The following PANX1 variants were observed in gnomAD, a reference collection of about 807,000 sequenced individuals.
The protein encoded by PANX1 is pannexin 1.
PANX1 carries 30 observed loss-of-function variants against 38.7 expected under a neutral mutation model. The observed-to-expected ratio is 0.78, with a 90% confidence interval of 0.58 to 1.05. PANX1 has a LOEUF of 1.05. PANX1 is among the 50% of genes least tolerant of loss of function. The probability of loss-of-function intolerance (pLI) is 0.00; values close to 1 mark genes in which losing one functional copy is unlikely to be tolerated. For missense variants in PANX1, 551 were observed against 517.2 expected (o/e 1.07, Z -0.63); for synonymous variants, 230 against 212.2 (o/e 1.08, Z -0.73).
intron 2 of PANX1, among the ~76,000 whole-genome samples, chr11:94,173,018 T>A (rs757314602): frequency 6.6e-6 from 1 of 151,772 alleles, no homozygotes; most frequent in Non-Finnish European, 1.5e-5. Context: ...TCTGTAAGCT[T>A]CTCAGGGAGT....
chr11:94,159,406 A>G (rs534714987), intron 2 of PANX1, among the ~76,000 whole-genome samples: 5 of 150,692 alleles, frequency 3.3e-5, no homozygotes, highest in African/African-American at 9.7e-5. Context: ...TTGGTAAGCT[A>G]TTAATTTTTG....
Position 94,129,139 on chromosome 11 carries a change from A to G in PANX1, c.-174A>G, listed in dbSNP as rs1375048322. The G allele has an allele frequency of 1.4e-5, 7 of 503,434 alleles. No homozygotes were observed. The highest frequency in any genetic ancestry group is 3.5e-5 in the East Asian group (1 of 28,880). 31.2% of individuals were successfully genotyped at this position (503,434 alleles called of 1,614,324 possible). A position where few individuals can be genotyped will look rare whatever the true frequency, so the allele number is the denominator to read the frequency against. On this transcript the variant is annotated 5_prime_UTR_variant, in exon 1 of 5. Coordinates refer to ENST00000227638, the MANE Select transcript of PANX1 (RefSeq NM_015368.4). ...GCGGAGGCAGCGAGCGCGAGAGCCC[A>G]GCGGAGTCGCTGGGAGCCTGAGGCA...
intron 2 of PANX1, among the ~76,000 whole-genome samples, chr11:94,177,742 C>T (rs1282457736): frequency 6.7e-6 from 1 of 149,836 alleles, no homozygotes; most frequent in Non-Finnish European, 1.5e-5. Flanking sequence ...TGTGGATGGC[C>T]TCTCTGAGCC....
intron 1 of PANX1, among the ~76,000 whole-genome samples, chr11:94,130,187 C>T (rs574719263): frequency 9.9e-5 from 15 of 152,268 alleles, no homozygotes; most frequent in African/African-American, 3.6e-4. Context: ...TGTTCTGACT[C>T]TCCACACAGG....
chr11:94,175,925 C>A (rs2134522963), intron 2 of PANX1: 1 of 983,406 alleles, frequency 1.0e-6, no homozygotes, highest in South Asian at 4.7e-5. Flanking sequence ...GTCATTTGTG[C>A]TTATTTCTGT....
At chr11:94,136,143 A>G (rs1162478511) in intron 1 of PANX1, among the ~76,000 whole-genome samples, 1 of 152,190 alleles carries the variant, frequency 6.6e-6, no homozygotes, top group Non-Finnish European at 1.5e-5. Flanking sequence ...GAAGGATGAC[A>G]TCATTTTCCG....
rs1947278703 is a variant in PANX1, at chr11:94,179,595, T to G, written c.546-7T>G. The G allele has an allele frequency of 6.2e-7, 1 of 1,608,964 alleles. No homozygotes were observed. ...CCTAAGTTATTTTTGTTTCCTTTAT[T>G]TTTTAGTTTGTGGGAGGTATCTGAA... On this transcript the variant is annotated splice_region_variant and splice_polypyrimidine_tract_variant and intron_variant, in intron 3 of 4. Coordinates refer to ENST00000227638, the MANE Select transcript of PANX1 (RefSeq NM_015368.4).
At chr11:94,137,381 C>T (rs1373187349) in intron 1 of PANX1, among the ~76,000 whole-genome samples, 3 of 152,168 alleles carry the variant, frequency 2.0e-5, no homozygotes, top group Non-Finnish European at 4.4e-5. Context: ...TTAGCAACAT[C>T]CCTTTAAAAA....
At position 94,181,356 on chromosome 11, in the gene PANX1, A is replaced by G. The variant is rs1189499510; in HGVS notation, c.*487A>G. 1 of 156,076 alleles carries G rather than the reference A, an allele frequency of 6.4e-6. No homozygotes were observed. Among genetic ancestry groups the G allele is most frequent in the Non-Finnish European group, 1.4e-5 (1 of 70,110 alleles). 9.7% of individuals were successfully genotyped at this position (156,076 alleles called of 1,614,324 possible). ...CAAGAAAAGCATTCACTGGCTAATAATCCATAGGTCGACCTATGTCCTAAG... is the reference window on the plus strand; with the variant it reads ...CAAGAAAAGCATTCACTGGCTAATAGTCCATAGGTCGACCTATGTCCTAAG... On this transcript the variant is annotated 3_prime_UTR_variant, in exon 5 of 5. Transcript: ENST00000227638.
At chr11:94,136,129 T>G (rs1027478457) in intron 1 of PANX1, among the ~76,000 whole-genome samples, 2 of 152,180 alleles carry the variant, frequency 1.3e-5, no homozygotes, top group African/African-American at 4.8e-5. Context: ...AGTATCAGTT[T>G]CCAGAAGGAT....
rs576685408 is a variant in PANX1 at position 94,171,665 on chromosome 11, A to C, written c.322-6704A>C. 1.2e-4 allele frequency among the ~76,000 whole-genome samples: 18 copies of C among 151,704 alleles called. 1 individual carries two copies. The highest frequency in any genetic ancestry group is 2.5e-4 in the Non-Finnish European group (17 of 68,000). ...AAGTTAGGAGAGCTCAGTTACCCCAAAGAAGTTATTCAGTGTAATATTTAA... is the reference window on the plus strand; with the variant it reads ...AAGTTAGGAGAGCTCAGTTACCCCACAGAAGTTATTCAGTGTAATATTTAA... On this transcript the variant is annotated intron_variant, in intron 2 of 4. Transcript: ENST00000227638.
At chr11:94,154,189 AT>A (rs2134495119) in intron 2 of PANX1, among the ~76,000 whole-genome samples, 1 of 152,332 alleles carries the variant, frequency 6.6e-6, no homozygotes, top group Admixed American at 6.5e-5. Flanking sequence ...ATAGATCCAG[AT>A]ACTGCAGGGA....
chr11:94,134,268 C>T (rs1288068222), intron 1 of PANX1, among the ~76,000 whole-genome samples: 1 of 152,110 alleles, frequency 6.6e-6, no homozygotes, highest in African/African-American at 2.4e-5. Flanking sequence ...CCTTGAGGCC[C>T]TTCATTTCTA....
At chr11:94,177,622 G>A (rs951093602) in intron 2 of PANX1, among the ~76,000 whole-genome samples, 2 of 152,180 alleles carry the variant, frequency 1.3e-5, no homozygotes, top group Non-Finnish European at 2.9e-5. Context: ...ACCAACTGGT[G>A]GTCCTGGTTA....
chr11:94,136,499 G>A (rs908998292), intron 1 of PANX1, among the ~76,000 whole-genome samples: 1 of 152,130 alleles, frequency 6.6e-6, no homozygotes, highest in Non-Finnish European at 1.5e-5. Context: ...GATACATATC[G>A]GCCGGGCGCG....
rs1310511658 is a variant in PANX1, at chr11:94,178,566, A to G, written c.519A>G (p.Pro173=). ...TGAGAGATGGAGCCTGCTCAGTTCC[A>G]GGTGTTACCGAGAACTTAGGGCAAA... ...LDMRDGACSV[P]GVTENLGQSL... The change falls in exon 3 of 5, where the codon CCA becomes CCG. Residue 173 remains proline (P), a synonymous_variant. Coordinates refer to ENST00000227638, the MANE Select transcript of PANX1 (RefSeq NM_015368.4). 4.3e-6 allele frequency: 7 copies of G among 1,613,944 alleles called. No individual in the cohort carries two copies. Among genetic ancestry groups the G allele is most frequent in the Non-Finnish European group, 5.9e-6 (7 of 1,179,850 alleles).
intron 2 of PANX1, among the ~76,000 whole-genome samples, chr11:94,162,047 A>G (rs920729467): frequency 2.0e-4 from 31 of 152,190 alleles, no homozygotes; most frequent in South Asian, 8.3e-4. Flanking sequence ...ACTGGTGAGC[A>G]GCAAATGTTG....
At chr11:94,152,049 G>A (rs969509796) in intron 1 of PANX1, among the ~76,000 whole-genome samples, 9 of 137,252 alleles carry the variant, frequency 6.6e-5, no homozygotes, top group African/African-American at 1.5e-4. Context: ...GATGAGTGTC[G>A]AGGCCTTTTA....
At chr11:94,133,724 G>T (rs923514796) in intron 1 of PANX1, among the ~76,000 whole-genome samples, 2 of 152,192 alleles carry the variant, frequency 1.3e-5, no homozygotes, top group Non-Finnish European at 2.9e-5. Context: ...GTGAGTTTGG[G>T]CTAGAAAGGC....
Sources: allele counts gnomAD v4.1 joint callset (sites outside exome capture counted in the v4.1 genomes callset), GRCh38; gene constraint gnomAD v4.1.1; transcripts MANE v1.5; gene names NCBI Gene and HGNC (gene_info 2026-07-23, HGNC 2026-07-21).